Variants in KDM6A observed in about 807,000 individuals in gnomAD.
The protein encoded by KDM6A is lysine-specific demethylase 6A.
In KDM6A, 11 loss-of-function variants were observed where a neutral mutation model predicts 117.6. That is an observed-to-expected ratio of 0.09 (90% CI 0.06 to 0.15). KDM6A has a LOEUF of 0.15. KDM6A is among the 10% of genes least tolerant of loss of function. The pLI is 1.00. For synonymous variants in KDM6A, 384 were observed against 396.1 expected (o/e 0.97, Z 0.36); for missense variants, 799 against 1,077.3 (o/e 0.74, Z 3.62).
In KDM6A at chrX:45,053,807, T is replaced by A. The variant is rs5952285; in HGVS notation, c.749-22T>A. The A allele has an allele frequency of 0.092, 106,177 of 1,152,765 alleles. 9,819 individuals are homozygous for A. The highest frequency in any genetic ancestry group is 0.62 in the African/African-American group (34,152 of 55,425). On this transcript the variant is annotated intron_variant, in intron 9 of 29. Coordinates refer to ENST00000611820, the MANE Select transcript of KDM6A (RefSeq NM_001291415.2). ...GAACAATTAAGTCATTTATGTAAAT[T>A]TTTTTAAATCATTTACTGTAGGTTG...
Position 44,997,984 on chromosome X carries a change from T to A in KDM6A, c.385-12977T>A, listed in dbSNP as rs187142101. Among the ~76,000 whole-genome samples the A allele has an allele frequency of 5.4e-5, 6 of 112,027 alleles. No individual in the cohort carries two copies. In the East Asian group the frequency reaches 1.7e-3, roughly 32 times the overall value. ...GTGGTGGTTATGAGATTGGGAACAT[T>A]TCAGCAAGAGTCATAAAATGAAGGC... On this transcript the variant is annotated intron_variant, in intron 4 of 29. Coordinates refer to ENST00000611820, the MANE Select transcript of KDM6A (RefSeq NM_001291415.2).
intron 2 of KDM6A, among the ~76,000 whole-genome samples, chrX:44,922,730 A>G (rs767430742): frequency 1.2e-4 from 14 of 112,778 alleles, no homozygotes; most frequent in Non-Finnish European, 2.3e-4. Context: ...CAGCCTCCCA[A>G]AGTGCTGGGA....
chrX:45,087,394 CCA>C (rs2045690706), intron 25 of KDM6A, among the ~76,000 whole-genome samples: 1 of 112,826 alleles, frequency 8.9e-6, no homozygotes, highest in Non-Finnish European at 1.9e-5. Context: ...ATATATTAAT[CCA>C]CAGTTTCCTT....
chrX:44,976,217 A>G (rs992218831), intron 4 of KDM6A, among the ~76,000 whole-genome samples: 1 of 111,146 alleles, frequency 9.0e-6, no homozygotes, highest in Non-Finnish European at 1.9e-5. Flanking sequence ...CCTGGCAACC[A>G]CCAGTCTACT....
At chrX:45,000,533 G>A (rs779209719) in intron 4 of KDM6A, among the ~76,000 whole-genome samples, 1 of 112,272 alleles carries the variant, frequency 8.9e-6, no homozygotes, top group Non-Finnish European at 1.9e-5. Flanking sequence ...AGAGTGTCCA[G>A]TAAAGGTCCA....
intron 2 of KDM6A, among the ~76,000 whole-genome samples, chrX:44,930,621 T>C (rs2036566194): frequency 1.8e-5 from 2 of 112,258 alleles, no homozygotes; most frequent in Non-Finnish European, 3.8e-5. Context: ...TGGTATCTTA[T>C]AATTTACTCT....
rs774183627 is a variant in KDM6A, at chrX:45,095,366, G to A, written c.4034+4502G>A. Among the ~76,000 whole-genome samples the A allele has an allele frequency of 5.4e-5, 6 of 111,182 alleles. No individual in the cohort carries two copies. The South Asian group carries it at 2.3e-3, about 43-fold the overall frequency. On this transcript the variant is annotated intron_variant, in intron 27 of 29. Coordinates refer to ENST00000611820, the MANE Select transcript of KDM6A (RefSeq NM_001291415.2). Reference sequence around the variant, plus strand: ...CTATTTAGAAGAAGCTGACTAGGGAGTCTTCTACCTAGGAGTTGCTGACTG... The same window carrying A: ...CTATTTAGAAGAAGCTGACTAGGGAATCTTCTACCTAGGAGTTGCTGACTG...
At chrX:44,877,492 ATTAAC>A (rs2146484816) in intron 2 of KDM6A, among the ~76,000 whole-genome samples, 1 of 109,639 alleles carries the variant, frequency 9.1e-6, no homozygotes, top group African/African-American at 3.3e-5. Context: ...TTTAACAGAA[ATTAAC>A]TTGTGACTTT....
chrX:44,885,787 G>A (rs751670445), intron 2 of KDM6A, among the ~76,000 whole-genome samples: 3 of 109,289 alleles, frequency 2.7e-5, no homozygotes, highest in East Asian at 3.0e-4. Context: ...CAGGAGAATC[G>A]CTTGAACCCA....
intron 2 of KDM6A, among the ~76,000 whole-genome samples, chrX:44,908,013 G>T (rs960821157): frequency 9.1e-6 from 1 of 110,117 alleles, no homozygotes; most frequent in Admixed American, 9.7e-5. Flanking sequence ...TTTTTATTGG[G>T]GTAGGGGAAA....
chrX:44,963,499 C>CTCTGTCTGTCTGTCTCTG (rs2038834356), intron 3 of KDM6A, among the ~76,000 whole-genome samples: 1 of 81,137 alleles, frequency 1.2e-5, no homozygotes, highest in Non-Finnish European at 2.2e-5. Flanking sequence ...GTCTGTCTGT[C>CTCTGTCTGTCTGTCTCTG]TCTGTCTGTC....
intron 2 of KDM6A, among the ~76,000 whole-genome samples, chrX:44,895,059 G>A (rs912925198): frequency 1.9e-5 from 2 of 105,757 alleles, no homozygotes; most frequent in Non-Finnish European, 3.9e-5. Flanking sequence ...GAGCCACCAC[G>A]CCCAGCAACT....
chrX:44,955,256 G>T (rs1293414961), intron 2 of KDM6A, among the ~76,000 whole-genome samples: 1 of 110,944 alleles, frequency 9.0e-6, no homozygotes, highest in Non-Finnish European at 1.9e-5. Context: ...TAAGGATCAA[G>T]ATAGTAAGGT....
intron 2 of KDM6A, among the ~76,000 whole-genome samples, chrX:44,952,571 C>T (rs763885309): frequency 9.0e-6 from 1 of 111,550 alleles, no homozygotes; most frequent in South Asian, 3.7e-4. Flanking sequence ...CCGCGTTCAA[C>T]CCCTCTGCTG....
rs777871481 is a variant in KDM6A, at chrX:44,895,323, C to T, written c.225+21336C>T. ...AGAGATGGGGTTTCACCGCGTTAGC[C>T]GGGATGGTCTCATCTCAATCTCCTG... On this transcript the variant is annotated intron_variant, in intron 2 of 29. Transcript: ENST00000611820. 1.9e-4 allele frequency among the ~76,000 whole-genome samples: 20 copies of T among 107,328 alleles called. No individual in the cohort carries two copies. The East Asian group carries it at 4.4e-3, about 24-fold the overall frequency. The allele number at this position is 107,328 out of a possible 115,157, so 93.2% of individuals were successfully genotyped here. A position where few individuals can be genotyped will look rare whatever the true frequency, so the allele number is the denominator to read the frequency against.
intron 9 of KDM6A, 129 bp downstream of exon 9, chrX:45,051,931 C>T (rs931695968): frequency 2.2e-6 from 1 of 445,603 alleles, no homozygotes; most frequent in Non-Finnish European, 4.0e-6. Flanking sequence ...ATTCTGAACC[C>T]AGCATATTTG....
At chrX:44,935,551 T>G (rs141063418) in intron 2 of KDM6A, among the ~76,000 whole-genome samples, 2,227 of 111,167 alleles carry the variant, frequency 0.02, 16 homozygotes, top group South Asian at 0.06. Flanking sequence ...ACAATAATCC[T>G]TTGGGGTAGT....
chrX:45,009,479 T>C (rs1272843983), intron 4 of KDM6A, among the ~76,000 whole-genome samples: 1 of 111,649 alleles, frequency 9.0e-6, no homozygotes, highest in Non-Finnish European at 1.9e-5. Context: ...CAGCAAGGTC[T>C]TTGTGACCTG....
chrX:45,107,889 A>G (rs936824107), intron 28 of KDM6A, among the ~76,000 whole-genome samples: 2 of 111,912 alleles, frequency 1.8e-5, no homozygotes, highest in Non-Finnish European at 3.8e-5. Flanking sequence ...ATCGATTATC[A>G]GTCCTCTCTG....
Sources: allele counts gnomAD v4.1 joint callset (sites outside exome capture counted in the v4.1 genomes callset), GRCh38; gene constraint gnomAD v4.1.1; transcripts MANE v1.5; gene names NCBI Gene and HGNC (gene_info 2026-07-23, HGNC 2026-07-21).